NRG2: variants seen among roughly 807,000 people sequenced by gnomAD.
NRG2 encodes the protein neuregulin 2, also known as pro-neuregulin-2, membrane-bound isoform.
Under a neutral mutation model 73.9 loss-of-function variants are expected in NRG2, and 27 were observed. The ratio of observed to expected loss-of-function variants is 0.37; its 90% CI spans 0.27 to 0.50. NRG2 has a LOEUF of 0.50. Ranked by LOEUF, NRG2 falls within the 20% of genes least tolerant of loss-of-function variation. The pLI is 0.96. For missense variants in NRG2, 1,126 were observed against 1,210.1 expected, an observed-to-expected ratio of 0.93 and a Z score of 1.03; for synonymous variants, 532 against 541.0, an observed-to-expected ratio of 0.98 and a Z score of 0.23.
chr5:139,880,908 G>T lies in NRG2; in HGVS notation c.939C>A (p.Ala313=). The T allele has an allele frequency of 1.9e-6, 3 of 1,614,140 alleles. No individual in the cohort carries two copies. The highest frequency in any genetic ancestry group is 2.5e-6 in the Non-Finnish European group (3 of 1,179,996). The change falls in exon 3 of 10, where the codon GCC becomes GCA. Residue 313 remains alanine, a synonymous_variant. Transcript: ENST00000361474. ...CGGTGTCCTTCCCCAGGATGTTCTC[G>T]GCCTCGCAGACATACTCCCCAGCGT... ...VEDAGEYVCE[A]ENILGKDTVR... is the part of the protein sequence containing the mutation.
In NRG2 at chr5:139,852,755, AAGGCC is replaced by A; in HGVS notation, c.1416+144_1416+148del. 2 of 1,458,280 alleles carry A rather than the reference AAGGCC, an allele frequency of 1.4e-6. No individual in the cohort carries two copies. The highest frequency in any genetic ancestry group is 2.5e-5 in the South Asian group (2 of 80,778). The allele number at this position is 1,458,280 out of a possible 1,614,324, so 90.3% of individuals were successfully genotyped here. ...CCTTCCTCATGGAAGTGAGCAAACCAAGGCCAGCCATCCTGGTGAGGCAGTGCCTA... is the reference window on the plus strand; with the variant it reads ...CCTTCCTCATGGAAGTGAGCAAACCAAGCCATCCTGGTGAGGCAGTGCCTA... On this transcript the variant is annotated intron_variant, in intron 7 of 9. Coordinates refer to ENST00000361474, the MANE Select transcript of NRG2 (RefSeq NM_004883.3). This position sits in a 1 kb window ranked among gnomAD's most constrained non-coding sequence, Gnocchi z 4.4.
intron 1 of NRG2, among the ~76,000 whole-genome samples, chr5:139,975,914 A>G (rs747230580): frequency 6.6e-6 from 1 of 152,272 alleles, no homozygotes; most frequent in Non-Finnish European, 1.5e-5. Context: ...AAAATTAAAA[A>G]TAATACATTA....
intron 1 of NRG2, among the ~76,000 whole-genome samples, chr5:139,899,634 C>G (rs1764751993): frequency 6.6e-6 from 1 of 152,222 alleles, no homozygotes; most frequent in South Asian, 2.1e-4. Context: ...ACCTTACTGC[C>G]ACAGTCACAC....
chr5:139,993,461 T>C (rs1377094980), intron 1 of NRG2, among the ~76,000 whole-genome samples: 1 of 152,238 alleles, frequency 6.6e-6, no homozygotes, highest in East Asian at 1.9e-4. Context: ...TCCTAATCTT[T>C]ACATGGGAGC....
intron 1 of NRG2, among the ~76,000 whole-genome samples, chr5:139,924,234 G>T (rs1215517655): frequency 6.6e-6 from 1 of 152,166 alleles, no homozygotes; most frequent in Admixed American, 6.5e-5. Context: ...ATCTCCGGGG[G>T]GATTGCCATC....
intron 3 of NRG2, among the ~76,000 whole-genome samples, chr5:139,877,501 T>C (rs1763259261): frequency 6.6e-6 from 1 of 151,514 alleles, no homozygotes; most frequent in Admixed American, 6.6e-5. Context: ...GACCACAGGG[T>C]GTGGTTGCTG....
chr5:139,961,708 T>C (rs1224586048), intron 1 of NRG2, among the ~76,000 whole-genome samples: 2 of 152,190 alleles, frequency 1.3e-5, no homozygotes, highest in Admixed American at 1.3e-4. Flanking sequence ...TAGATTGTGG[T>C]TGGCCCCCTG....
intron 1 of NRG2, among the ~76,000 whole-genome samples, chr5:140,007,317 C>T (rs1456335749): frequency 5.9e-5 from 9 of 152,082 alleles, no homozygotes; most frequent in East Asian, 1.9e-4. Flanking sequence ...CCTTCTGCTT[C>T]AAACAGGCAG....
intron 1 of NRG2, among the ~76,000 whole-genome samples, chr5:139,983,070 G>A (rs1756932773): frequency 1.3e-5 from 2 of 152,214 alleles, no homozygotes; most frequent in South Asian, 4.1e-4. Context: ...TTGGCTATGG[G>A]AGCCTGGGAA....
chr5:139,878,796 T>C (rs1462477427), intron 3 of NRG2, among the ~76,000 whole-genome samples: 1 of 152,064 alleles, frequency 6.6e-6, no homozygotes, highest in African/African-American at 2.4e-5. Flanking sequence ...CTTCCCAAAC[T>C]TGGGATAGGA....
In NRG2 at chr5:140,008,700, C is replaced by T. The variant is rs903115214; in HGVS notation, c.700+33670G>A. 2.0e-5 allele frequency among the ~76,000 whole-genome samples: 3 copies of T among 152,214 alleles called. No individual in the cohort carries two copies. The highest frequency in any genetic ancestry group is 4.4e-5 in the Non-Finnish European group (3 of 68,040). ...AATATAAGAGAATGCTTATTTATCC[C>T]TCTCAGTCGGGGAGAAATAACTGAC... On this transcript the variant is annotated intron_variant, in intron 1 of 9. Transcript: ENST00000361474. This position sits in a 1 kb window ranked among gnomAD's most constrained non-coding sequence, Gnocchi z 4.2.
intron 2 of NRG2, among the ~76,000 whole-genome samples, chr5:139,882,060 A>T (rs889582270): frequency 5.9e-5 from 9 of 152,174 alleles, no homozygotes; most frequent in Admixed American, 2.6e-4. Flanking sequence ...ATTTCTGCAC[A>T]TGGTATGATC....
chr5:139,992,534 T>G (rs985514989), intron 1 of NRG2, among the ~76,000 whole-genome samples: 14 of 152,236 alleles, frequency 9.2e-5, no homozygotes, highest in African/African-American at 3.4e-4. Flanking sequence ...TGTTTTAAAG[T>G]GACTGCTTCT....
chr5:139,848,750 G>C, intron 9 of NRG2, 53 bp from the exon 10 acceptor site: 1 of 1,065,946 alleles, frequency 9.4e-7, no homozygotes, highest in Non-Finnish European at 1.3e-6. Context: ...CGGCGCGGGG[G>C]AGGGGGGGTT....
At chr5:140,013,848 T>C (rs1253621426) in intron 1 of NRG2, among the ~76,000 whole-genome samples, 1 of 152,212 alleles carries the variant, frequency 6.6e-6, no homozygotes, top group Admixed American at 6.5e-5. Context: ...TTGGTGAACA[T>C]TCTTCACTCA....
Position 139,852,788 on chromosome 5 carries a change from A to T in NRG2, c.1416+116T>A. 1 of 1,508,172 alleles carries T rather than the reference A, an allele frequency of 6.6e-7. No homozygotes were observed. Among genetic ancestry groups the T allele is most frequent in the Non-Finnish European group, 9.0e-7 (1 of 1,109,850 alleles). The allele number at this position is 1,508,172 out of a possible 1,614,324, so 93.4% of individuals were successfully genotyped here. ...CCATCCTGGTGAGGCAGTGCCTAGC[A>T]GGCAAGGCTGGCCATGGGATAGGCT... On this transcript the variant is annotated intron_variant, in intron 7 of 9. Transcript: ENST00000361474. The surrounding 1 kb of genome is among the most constrained non-coding windows in gnomAD (Gnocchi z 4.4).
At position 139,853,173 on chromosome 5, in the gene NRG2, A is replaced by G; in HGVS notation, c.1293-146T>C. Reference sequence around the variant, plus strand: ...CGTCCCTGTACTCAAGCTGCCCTACAGCATCACTACCACCTGAATCCAATA... The same window carrying G: ...CGTCCCTGTACTCAAGCTGCCCTACGGCATCACTACCACCTGAATCCAATA... On this transcript the variant is annotated intron_variant, in intron 6 of 9. Transcript: ENST00000361474. This position sits in a 1 kb window ranked among gnomAD's most constrained non-coding sequence, Gnocchi z 4.1. The G allele has an allele frequency of 9.4e-7, 1 of 1,067,366 alleles. No homozygotes were observed. The highest frequency in any genetic ancestry group is 1.5e-5 in the South Asian group (1 of 65,430). 66.1% of individuals were successfully genotyped at this position (1,067,366 alleles called of 1,614,324 possible).
At chr5:139,962,357 A>G (rs546267127) in intron 1 of NRG2, among the ~76,000 whole-genome samples, 3 of 152,226 alleles carry the variant, frequency 2.0e-5, no homozygotes, top group Non-Finnish European at 4.4e-5. Flanking sequence ...GAGAAGGGTG[A>G]TCAGAGCCAG....
Position 139,861,631 on chromosome 5 carries a change from C to G in NRG2, c.1189+3918G>C, listed in dbSNP as rs942696438. The G allele has an allele frequency of 3.3e-5, 15 of 452,624 alleles. No individual in the cohort carries two copies. The East Asian group carries it at 9.6e-4, about 29-fold the overall frequency. 28.0% of individuals were successfully genotyped at this position (452,624 alleles called of 1,614,324 possible). ...GGGAGTGACCTTGACGTTTTGGTTT[C>G]TTTGCATTCCCACTCTGACTGCTTG... On this transcript the variant is annotated intron_variant, in intron 5 of 9. Coordinates refer to ENST00000361474, the MANE Select transcript of NRG2 (RefSeq NM_004883.3).
Sources: allele counts gnomAD v4.1 joint callset (sites outside exome capture counted in the v4.1 genomes callset), GRCh38; gene constraint gnomAD v4.1.1; non-coding constraint Gnocchi (gnomAD v3.1); transcripts MANE v1.5; gene names NCBI Gene and HGNC (gene_info 2026-07-23, HGNC 2026-07-21).